The following TRPM3 variants were observed in gnomAD, a reference collection of about 807,000 sequenced individuals.
TRPM3 encodes transient receptor potential cation channel subfamily M member 3.
In TRPM3, 77 loss-of-function variants were observed where a neutral mutation model predicts 181.2. The observed-to-expected ratio is 0.42, with a 90% CI of 0.35 to 0.51. TRPM3 has a LOEUF of 0.51. Ranked by LOEUF, TRPM3 falls within the 20% of genes least tolerant of loss-of-function variation. The pLI is 0.01. For synonymous variants in TRPM3, 745 were observed against 796.4 expected, an observed-to-expected ratio of 0.94 and a Z score of 1.09; for missense variants, 1,759 against 2,196.7, an observed-to-expected ratio of 0.80 and a Z score of 3.98.
chr9:71,232,138 G>T (rs73647972), intron 1 of TRPM3, among the ~76,000 whole-genome samples: 2 of 152,174 alleles, frequency 1.3e-5, no homozygotes, highest in East Asian at 3.9e-4. Context: ...TGAAGATGTT[G>T]ATATCAAATG....
intron 1 of TRPM3, among the ~76,000 whole-genome samples, chr9:71,083,951 T>G (rs776683899): frequency 2.6e-5 from 4 of 151,980 alleles, no homozygotes; most frequent in Non-Finnish European, 5.9e-5. Context: ...GTAAATTTCC[T>G]GGCATAGGGC....
chr9:71,391,420 A>T (rs2093060167), intron 1 of TRPM3, among the ~76,000 whole-genome samples: 1 of 152,046 alleles, frequency 6.6e-6, no homozygotes, highest in African/African-American at 2.4e-5. Flanking sequence ...ATATGACGTG[A>T]TCTTGCCTAA....
At chr9:70,582,837 C>T (rs1045500776) in intron 22 of TRPM3, among the ~76,000 whole-genome samples, 3 of 152,112 alleles carry the variant, frequency 2.0e-5, no homozygotes, top group Non-Finnish European at 4.4e-5. Flanking sequence ...TCCCTGTGGC[C>T]ACACTGTGAG....
intron 1 of TRPM3, among the ~76,000 whole-genome samples, chr9:71,178,442 T>A (rs1232559007): frequency 6.6e-6 from 1 of 152,142 alleles, no homozygotes; most frequent in East Asian, 1.9e-4. Context: ...GCAATTTAAC[T>A]TTTTGTTCAA....
chr9:71,262,108 GC>G (rs2083097262), intron 1 of TRPM3, among the ~76,000 whole-genome samples: 1 of 152,196 alleles, frequency 6.6e-6, no homozygotes, highest in East Asian at 1.9e-4. Flanking sequence ...GCCCACAGCT[GC>G]CCCTTCCCCC....
At chr9:71,061,745 C>T (rs1369897759) in intron 1 of TRPM3, among the ~76,000 whole-genome samples, 2 of 152,072 alleles carry the variant, frequency 1.3e-5, no homozygotes, top group African/African-American at 2.4e-5. Context: ...GAAGGGAGAT[C>T]TCTTGGAAGC....
At chr9:71,083,269 C>T (rs1204471901) in intron 1 of TRPM3, among the ~76,000 whole-genome samples, 1 of 152,028 alleles carries the variant, frequency 6.6e-6, no homozygotes, top group African/African-American at 2.4e-5. Flanking sequence ...TCAGGAACTA[C>T]CCTGGATGAT....
At chr9:70,664,215 G>A (rs768220149) in intron 9 of TRPM3, among the ~76,000 whole-genome samples, 1 of 152,080 alleles carries the variant, frequency 6.6e-6, no homozygotes, top group African/African-American at 2.4e-5. Context: ...AGAATATTTA[G>A]GTATCATTGA....
At position 71,167,519 on chromosome 9, in the gene TRPM3, T is replaced by G. The variant is rs1224476245; in HGVS notation, c.183+279134A>C. Among the ~76,000 whole-genome samples the G allele has an allele frequency of 2.0e-5, 3 of 152,220 alleles. No individual in the cohort carries two copies. The East Asian group carries it at 5.8e-4, about 29-fold the overall frequency. ...TTCTTTCTCCCATGAGACATTTCAT[T>G]TTCCATTATTTATTGGTACCCCTCT... On this transcript the variant is annotated intron_variant, in intron 1 of 24. Transcript: ENST00000357533.
chr9:71,401,993 T>C (rs539291108), intron 1 of TRPM3, among the ~76,000 whole-genome samples: 1 of 152,328 alleles, frequency 6.6e-6, no homozygotes, highest in East Asian at 1.9e-4. Flanking sequence ...ATTATCAGTG[T>C]GTAATCCGTA....
At chr9:70,814,366 T>C (rs1381359728) in intron 6 of TRPM3, among the ~76,000 whole-genome samples, 1 of 152,138 alleles carries the variant, frequency 6.6e-6, no homozygotes, top group Non-Finnish European at 1.5e-5. Flanking sequence ...CGATGGACAA[T>C]TTTAGCTCCA....
intron 6 of TRPM3, among the ~76,000 whole-genome samples, chr9:70,821,408 T>A (rs1436576472): frequency 1.3e-5 from 2 of 152,190 alleles, no homozygotes; most frequent in Non-Finnish European, 1.5e-5. Flanking sequence ...TTTTTAATAA[T>A]AACAATTTTA....
intron 1 of TRPM3, among the ~76,000 whole-genome samples, chr9:71,248,311 C>A (rs1023518343): frequency 6.6e-6 from 1 of 152,132 alleles, no homozygotes; most frequent in Non-Finnish European, 1.5e-5. Context: ...CAATGAGACC[C>A]GAGGGAGTTG....
At position 70,642,911 on chromosome 9, in the gene TRPM3, G is replaced by A. The variant is rs368106194; in HGVS notation, c.1346-2251C>T. On this transcript the variant is annotated intron_variant, in intron 9 of 25. Coordinates refer to ENST00000677713, the MANE Select transcript of TRPM3 (RefSeq NM_001366145.2). ...TTCTAACCAGCTCCCAGGTGAGGCC[G>A]CTGCTGCTGATCTGGGGCCATGATT... Among the ~76,000 whole-genome samples the A allele has an allele frequency of 1.2e-4, 19 of 152,264 alleles. No individual in the cohort carries two copies. In the East Asian group the frequency reaches 2.1e-3, roughly 17 times the overall value.
chr9:71,185,303 T>A lies in TRPM3; in HGVS notation c.183+261350A>T, dbSNP rs183943625. ...CAGCTATTCATTTCCACACTTTTCT[T>A]CCCTGATTCTGACAACTGAAAAGCA... On this transcript the variant is annotated intron_variant, in intron 1 of 24. Coordinates refer to the TRPM3 transcript ENST00000357533. Among the ~76,000 whole-genome samples the A allele has an allele frequency of 5.3e-5, 8 of 152,224 alleles. No homozygotes were observed. The East Asian group carries it at 1.5e-3, about 29-fold the overall frequency.
chr9:71,290,489 C>T (rs2085714786), intron 1 of TRPM3, among the ~76,000 whole-genome samples: 1 of 151,766 alleles, frequency 6.6e-6, no homozygotes, highest in African/African-American at 2.4e-5. Flanking sequence ...GAGGGTAGAA[C>T]AAAGATATTT....
At chr9:71,222,127 T>C (rs1483854372) in intron 1 of TRPM3, among the ~76,000 whole-genome samples, 1 of 152,208 alleles carries the variant, frequency 6.6e-6, no homozygotes, top group African/African-American at 2.4e-5. Context: ...AAGCTGATAT[T>C]GAGCAGTACA....
At chr9:71,398,677 C>T (rs2093261088) in intron 1 of TRPM3, among the ~76,000 whole-genome samples, 1 of 152,200 alleles carries the variant, frequency 6.6e-6, no homozygotes, top group African/African-American at 2.4e-5. Flanking sequence ...GCTTCCTGTA[C>T]AGCTTCTGGA....
intron 1 of TRPM3, among the ~76,000 whole-genome samples, chr9:71,197,554 A>G (rs1416585787): frequency 2.6e-5 from 4 of 151,624 alleles, no homozygotes; most frequent in Non-Finnish European, 1.5e-5. Flanking sequence ...CTTTTTAATG[A>G]TCGCCATTCT....
Sources: gnomAD v4.1 joint callset for allele counts (sites outside exome capture counted in the v4.1 genomes callset) on GRCh38, gnomAD v4.1.1 for gene constraint, MANE v1.5 for transcripts, NCBI Gene and HGNC (gene_info 2026-07-23, HGNC 2026-07-21) for gene names.